Variants in PTPRM observed in about 807,000 individuals in gnomAD.
The protein encoded by PTPRM is receptor-type tyrosine-protein phosphatase mu.
In PTPRM, 47 loss-of-function variants were observed where a neutral mutation model predicts 186.7. That is an observed-to-expected ratio of 0.25 (90% CI 0.20 to 0.32). PTPRM has a LOEUF of 0.32. Ranked by LOEUF, PTPRM falls within the 10% of genes least tolerant of loss-of-function variation. The pLI, the probability that PTPRM is intolerant of heterozygous loss-of-function variation, is 1.00. For synonymous variants in PTPRM, 668 were observed against 674.9 expected (o/e 0.99, Z 0.16); for missense variants, 1,494 against 1,865.0 (o/e 0.80, Z 3.66).
chr18:8,125,555 G>A (rs555707368), intron 13 of PTPRM, among the ~76,000 whole-genome samples: 1 of 151,832 alleles, frequency 6.6e-6, no homozygotes, highest in African/African-American at 2.4e-5. Flanking sequence ...AAAAAATTCT[G>A]GTTGCTGCCT....
intron 11 of PTPRM, among the ~76,000 whole-genome samples, chr18:8,106,511 CT>C (rs1158287080): frequency 2.0e-5 from 3 of 152,116 alleles, no homozygotes; most frequent in African/African-American, 7.2e-5. Context: ...TTACTTTGTC[CT>C]TTGTACAAAC....
intron 7 of PTPRM, among the ~76,000 whole-genome samples, chr18:8,023,452 C>G (rs964300919): frequency 1.3e-5 from 2 of 152,120 alleles, no homozygotes; most frequent in East Asian, 3.9e-4. Context: ...GTGTATTTAA[C>G]TTAGGATAAT....
intron 14 of PTPRM, among the ~76,000 whole-genome samples, chr18:8,200,266 C>A (rs1026880876): frequency 6.8e-6 from 1 of 146,854 alleles, no homozygotes; most frequent in African/African-American, 2.5e-5. Context: ...ATGATCCCAT[C>A]GCTGTGCCCC....
At chr18:8,036,609 G>A (rs906684562) in intron 7 of PTPRM, among the ~76,000 whole-genome samples, 3 of 152,154 alleles carry the variant, frequency 2.0e-5, no homozygotes, top group African/African-American at 7.2e-5. Flanking sequence ...TAATGTGTGG[G>A]CACTCAGCTA....
intron 5 of PTPRM, among the ~76,000 whole-genome samples, chr18:7,931,866 T>C (rs926534806): frequency 6.6e-6 from 1 of 152,228 alleles, no homozygotes; most frequent in African/African-American, 2.4e-5. Context: ...TTTCTATTTA[T>C]AATACTTTCC....
At chr18:7,881,089 A>G (rs1473031083) in intron 2 of PTPRM, among the ~76,000 whole-genome samples, 2 of 152,126 alleles carry the variant, frequency 1.3e-5, no homozygotes, top group African/African-American at 2.4e-5. Context: ...GTGTGTGTGT[A>G]GGTAAATGTA....
chr18:8,344,430 A>ATGTGTG (rs143895566), intron 23 of PTPRM, among the ~76,000 whole-genome samples: 2,607 of 110,558 alleles, frequency 0.024, 132 homozygotes, highest in African/African-American at 0.077. Context: ...AGATATATAT[A>ATGTGTG]TGTGTGTGTG....
intron 14 of PTPRM, among the ~76,000 whole-genome samples, chr18:8,150,299 G>C (rs1176455081): frequency 6.6e-6 from 1 of 152,064 alleles, no homozygotes; most frequent in Non-Finnish European, 1.5e-5. Context: ...CATAGATTTG[G>C]TCTTTTCACA....
intron 7 of PTPRM, among the ~76,000 whole-genome samples, chr18:8,014,115 C>T (rs955811267): frequency 6.6e-6 from 1 of 151,846 alleles, no homozygotes; most frequent in Non-Finnish European, 1.5e-5. Flanking sequence ...TTTTGGTTTG[C>T]TTCATTTAAT....
intron 7 of PTPRM, among the ~76,000 whole-genome samples, chr18:8,067,571 A>G (rs1299338918): frequency 6.6e-6 from 1 of 152,238 alleles, no homozygotes; most frequent in Non-Finnish European, 1.5e-5. Context: ...TGCAGCAGAT[A>G]TCTGGTAAAT....
At chr18:8,119,129 G>A (rs1267151748) in intron 13 of PTPRM, among the ~76,000 whole-genome samples, 1 of 152,056 alleles carries the variant, frequency 6.6e-6, no homozygotes, top group African/African-American at 2.4e-5. Flanking sequence ...CACTGTTTTT[G>A]TAAGTAACAT....
chr18:8,311,005 C>T (rs1182972697), intron 20 of PTPRM, among the ~76,000 whole-genome samples: 1 of 151,806 alleles, frequency 6.6e-6, no homozygotes. Context: ...ATTAGACAAG[C>T]CTGTATTAAA....
chr18:7,726,982 T>A (rs1434971993), intron 1 of PTPRM, among the ~76,000 whole-genome samples: 2 of 152,192 alleles, frequency 1.3e-5, no homozygotes, highest in Non-Finnish European at 2.9e-5. Flanking sequence ...TTTAGTTAAC[T>A]AATTTTATAT....
At chr18:7,571,619 G>T (rs1233947231) in intron 1 of PTPRM, among the ~76,000 whole-genome samples, 4 of 152,204 alleles carry the variant, frequency 2.6e-5, no homozygotes, top group African/African-American at 9.7e-5. Context: ...AGTGGTATTT[G>T]AAATATATTA....
chr18:7,867,687 C>G (rs1021981344), intron 2 of PTPRM, among the ~76,000 whole-genome samples: 9 of 152,132 alleles, frequency 5.9e-5, no homozygotes, highest in Admixed American at 2.0e-4. Context: ...TAAGGTTGCT[C>G]TTCCCGAGGA....
intron 13 of PTPRM, among the ~76,000 whole-genome samples, chr18:8,118,758 C>A (rs1358766318): frequency 6.7e-6 from 1 of 148,562 alleles, no homozygotes; most frequent in African/African-American, 2.5e-5. Context: ...TGAGATTGCA[C>A]CATTGCATTC....
intron 14 of PTPRM, among the ~76,000 whole-genome samples, chr18:8,216,492 C>T (rs2094088330): frequency 2.0e-5 from 3 of 152,188 alleles, no homozygotes; most frequent in South Asian, 4.1e-4. Context: ...GAAGAAAACA[C>T]ATTCTGCTGA....
chr18:7,647,048 A>C (rs193260724), intron 1 of PTPRM, among the ~76,000 whole-genome samples: 1 of 152,110 alleles, frequency 6.6e-6, no homozygotes, highest in Non-Finnish European at 1.5e-5. Flanking sequence ...GGCCCTGTTT[A>C]TCTTAAACAA....
At chr18:8,026,513 T>C (rs901644688) in intron 7 of PTPRM, among the ~76,000 whole-genome samples, 3 of 152,146 alleles carry the variant, frequency 2.0e-5, no homozygotes, top group Non-Finnish European at 1.5e-5. Context: ...AATCCTAGTA[T>C]GTAGTATATT....
Sources: gnomAD v4.1 joint callset for allele counts (sites outside exome capture counted in the v4.1 genomes callset) on GRCh38, gnomAD v4.1.1 for gene constraint, MANE v1.5 for transcripts, NCBI Gene and HGNC (gene_info 2026-07-23, HGNC 2026-07-21) for gene names.